Variants in SENP6 observed in about 807,000 individuals in gnomAD.
SENP6 encodes sentrin-specific protease 6.
A neutral mutation model predicts 134.5 loss-of-function variants in SENP6; 41 were observed. That is an observed-to-expected ratio of 0.30 (90% CI 0.24 to 0.40). The LOEUF (loss-of-function observed/expected upper bound fraction) is 0.40. Ranked by LOEUF, SENP6 falls within the 10% of genes least tolerant of loss-of-function variation. SENP6 has a pLI of 1.00. For synonymous variants in SENP6, 395 were observed against 429.8 expected, an observed-to-expected ratio of 0.92 and a Z score of 1.00; for missense variants, 1,248 against 1,312.5, an observed-to-expected ratio of 0.95 and a Z score of 0.76.
intron 16 of SENP6, among the ~76,000 whole-genome samples, chr6:75,688,186 G>A (rs923403811): frequency 2.6e-5 from 4 of 152,228 alleles, no homozygotes; most frequent in Admixed American, 2.0e-4. Context: ...CTCCATGGGC[G>A]TGGGAGCCGC....
At chr6:75,706,453 A>G (rs1410112893) in intron 19 of SENP6, among the ~76,000 whole-genome samples, 1 of 152,186 alleles carries the variant, frequency 6.6e-6, no homozygotes, top group Non-Finnish European at 1.5e-5. Context: ...CAATGGGACA[A>G]AAGCCTAGGG....
intron 6 of SENP6, chr6:75,646,984 T>G (rs574568045): frequency 6.6e-6 from 1 of 152,330 alleles, no homozygotes; most frequent in Non-Finnish European, 1.5e-5. Context: ...TTTGGAACTT[T>G]TGTTTGAGTA....
chr6:75,677,966 A>G (rs1773208150), intron 14 of SENP6: 1 of 152,406 alleles, frequency 6.6e-6, no homozygotes, highest in Non-Finnish European at 1.5e-5. Flanking sequence ...TAGTTGAGCA[A>G]GGACTCCCCA....
chr6:75,698,385 G>A (rs1310818799), intron 18 of SENP6, among the ~76,000 whole-genome samples: 1 of 152,150 alleles, frequency 6.6e-6, no homozygotes, highest in Non-Finnish European at 1.5e-5. Flanking sequence ...TTATGATATG[G>A]CCCTACTTTG....
In SENP6 at chr6:75,621,570, A is replaced by G; in HGVS notation, c.91A>G (p.Lys31Glu). 1.2e-6 allele frequency: 2 copies of G among 1,612,056 alleles called. No homozygotes were observed. Among genetic ancestry groups the G allele is most frequent in the Non-Finnish European group, 1.7e-6 (2 of 1,178,586 alleles). The stretch of plus-strand genomic sequence containing the variant: ...AGAGTCTAAGAGAGATGGAGGTTTT[A>G]AAAATAATTGGAGCTTTGATCATGA... ...RSESKRDGGF[K>E]NNWSFDHEEE... Residue 31 changes from lysine to glutamate, a missense_variant, in exon 2 of 24, where the codon AAA (lysine) becomes GAA (glutamate). Physicochemically the swap from Lys to Glu is moderately conservative, Grantham distance 56. This residue lies in a region of SENP6 where 733 missense variants were observed against 725.4 expected (regional missense o/e 1.01). Coordinates refer to ENST00000447266, the MANE Select transcript of SENP6 (RefSeq NM_015571.4).
At chr6:75,705,766 A>G (rs1775350695) in intron 19 of SENP6, among the ~76,000 whole-genome samples, 1 of 151,662 alleles carries the variant, frequency 6.6e-6, no homozygotes. Flanking sequence ...TTGCTCATGG[A>G]ACTAATGAAT....
At chr6:75,604,996 C>T (rs531407467) in intron 1 of SENP6, among the ~76,000 whole-genome samples, 2 of 152,236 alleles carry the variant, frequency 1.3e-5, no homozygotes, top group African/African-American at 4.8e-5. Flanking sequence ...TCACCTGAAC[C>T]CAGGAGCTGG....
chr6:75,648,074 A>G (rs2149849735), intron 7 of SENP6, among the ~76,000 whole-genome samples: 1 of 152,326 alleles, frequency 6.6e-6, no homozygotes, highest in East Asian at 1.9e-4. Flanking sequence ...TAGTTGAGCT[A>G]TAGCTTTGAA....
At chr6:75,626,534 C>T (rs1768709848) in intron 3 of SENP6, among the ~76,000 whole-genome samples, 1 of 151,862 alleles carries the variant, frequency 6.6e-6, no homozygotes, top group Non-Finnish European at 1.5e-5. Context: ...TCAGTTTGTC[C>T]CTACTGATGA....
At chr6:75,658,846 C>A (rs1224087307) in intron 7 of SENP6, among the ~76,000 whole-genome samples, 1 of 151,700 alleles carries the variant, frequency 6.6e-6, no homozygotes, top group East Asian at 1.9e-4. Context: ...GTGGCACGTA[C>A]CTGTAGTCAC....
At chr6:75,649,148 A>G (rs970315972) in intron 7 of SENP6, among the ~76,000 whole-genome samples, 1 of 151,930 alleles carries the variant, frequency 6.6e-6, no homozygotes, top group Non-Finnish European at 1.5e-5. Context: ...GCTACTGGAA[A>G]AAAAAAAAAT....
At position 75,666,159 on chromosome 6, in the gene SENP6, GAT is replaced by G. The variant is rs200170034; in HGVS notation, c.995-543_995-542del. On this transcript the variant is annotated intron_variant, in intron 9 of 23. Coordinates refer to ENST00000447266, the MANE Select transcript of SENP6 (RefSeq NM_015571.4). ...TATATGATATATATAAAACATATATGATATATATATAAAACGTATATATGATA... is the reference window on the plus strand; with the variant it reads ...TATATGATATATATAAAACATATATGATATATATAAAACGTATATATGATA... Among the ~76,000 whole-genome samples the G allele has an allele frequency of 0.012, 1,433 of 119,646 alleles. 56 individuals are homozygous for G. The East Asian group carries it at 0.16, about 13-fold the overall frequency. 78.5% of individuals were successfully genotyped at this position (119,646 alleles called of 152,430 possible).
chr6:75,647,753 C>A lies in SENP6; in HGVS notation c.502C>A (p.Gln168Lys). 6.2e-7 allele frequency: 1 copy of A among 1,611,754 alleles called. No homozygotes were observed. Among genetic ancestry groups the A allele is most frequent in the South Asian group, 1.1e-5 (1 of 90,890 alleles). Residue 168 changes from glutamine to lysine, a missense_variant, in exon 7 of 24, where the codon CAA (glutamine) becomes AAA (lysine). Around this residue, in one of 3 missense-constraint regions of SENP6, gnomAD observed 733 missense variants for 725.4 expected, o/e 1.01. Coordinates refer to ENST00000447266, the MANE Select transcript of SENP6 (RefSeq NM_015571.4). ...KERKEYPPHV[Q>K]KVEINPVRLS... ...TAGGAAAGAATACCCACCTCATGTC[C>A]AAAAAGTTGAAATTAATCCTGTAAG...
rs531390409 is a variant in SENP6, at chr6:75,688,547, G to A, written c.2076-7257G>A. 8.6e-5 allele frequency among the ~76,000 whole-genome samples: 13 copies of A among 151,094 alleles called. No individual in the cohort carries two copies. The South Asian group carries it at 1.7e-3, about 20-fold the overall frequency. On this transcript the variant is annotated intron_variant, in intron 16 of 23. Transcript: ENST00000447266. ...CTTGGAACCGCCACCCCACCCCCCC[G>A]TCCAGGATTATATTCTATTTAGTTT...
chr6:75,602,989 GGACA>G (rs1766752416), intron 1 of SENP6, among the ~76,000 whole-genome samples: 1 of 152,150 alleles, frequency 6.6e-6, no homozygotes, highest in African/African-American at 2.4e-5. Context: ...AGTAGGGAGG[GGACA>G]GACAGTTTCA....
At position 75,702,751 on chromosome 6, in the gene SENP6, G is replaced by T; in HGVS notation, c.2395G>T (p.Val799Leu). The T allele has an allele frequency of 6.2e-7, 1 of 1,614,046 alleles. No homozygotes were observed. The highest frequency in any genetic ancestry group is 8.5e-7 in the Non-Finnish European group (1 of 1,179,968). Residue 799 changes from valine (V) to leucine (L), a missense_variant, in exon 19 of 24, where the codon GTA (valine) becomes TTA (leucine). Val to Leu is a conservative substitution (Grantham distance 32). Around this residue, in one of 3 missense-constraint regions of SENP6, gnomAD observed 386 missense variants for 395.0 expected, o/e 0.98. Coordinates refer to ENST00000447266, the MANE Select transcript of SENP6 (RefSeq NM_015571.4). ...ENAVIQKCST[V>L]EDSCISSSAS... The stretch of plus-strand genomic sequence containing the variant: ...TGCTGTCATACAGAAATGTTCAACT[G>T]TAGAGGACAGTTGTATTTCTTCTTC...
chr6:75,661,908 T>G (rs760918506), intron 8 of SENP6, among the ~76,000 whole-genome samples: 1 of 151,988 alleles, frequency 6.6e-6, no homozygotes, highest in Non-Finnish European at 1.5e-5. Flanking sequence ...AAAAATTAGC[T>G]GAGCATGGTG....
At chr6:75,612,840 G>A (rs1339053219) in intron 1 of SENP6, among the ~76,000 whole-genome samples, 1 of 152,108 alleles carries the variant, frequency 6.6e-6, no homozygotes, top group Admixed American at 6.6e-5. Context: ...CAGACCAGGC[G>A]CAGTGGCTCA....
chr6:75,666,980 C>A, intron 10 of SENP6, 39 bp downstream of exon 10: 1 of 1,410,824 alleles, frequency 7.1e-7, no homozygotes, highest in Non-Finnish European at 9.8e-7. Flanking sequence ...CAGATTAATG[C>A]CTCCATTTTG....
Sources: allele counts gnomAD v4.1 joint callset (sites outside exome capture counted in the v4.1 genomes callset), GRCh38; gene constraint gnomAD v4.1.1; regional missense constraint gnomAD v4.1.1; transcripts MANE v1.5; gene names NCBI Gene and HGNC (gene_info 2026-07-23, HGNC 2026-07-21).